The following MAPRE3 variants were observed in gnomAD, a reference collection of about 807,000 sequenced individuals.
The protein encoded by MAPRE3 is microtubule-associated protein RP/EB family member 3.
In MAPRE3, 2 loss-of-function variants were observed where a neutral mutation model predicts 30.5. The observed-to-expected ratio is 0.07, with a 90% CI of 0.03 to 0.21. The LOEUF (loss-of-function observed/expected upper bound fraction) is 0.21, where lower values mean the gene tolerates loss of function less well. MAPRE3 is among the 10% of genes least tolerant of loss of function. The pLI, the probability that MAPRE3 is intolerant of heterozygous loss-of-function variation, is 1.00. For missense variants in MAPRE3, 204 were observed against 351.8 expected (o/e 0.58, Z 3.36); for synonymous variants, 110 against 127.7 (o/e 0.86, Z 0.93).
intron 1 of MAPRE3, among the ~76,000 whole-genome samples, chr2:27,005,027 A>G (rs770681917): frequency 5.3e-5 from 8 of 152,264 alleles, no homozygotes; most frequent in South Asian, 2.1e-4. Context: ...CAATCAACAC[A>G]CTTTTTAAAA....
At chr2:26,983,615 T>G (rs1666161538) in intron 1 of MAPRE3, among the ~76,000 whole-genome samples, 1 of 152,218 alleles carries the variant, frequency 6.6e-6, no homozygotes, top group Non-Finnish European at 1.5e-5. Flanking sequence ...ATCTTTAAAA[T>G]TCATCATTTG....
At position 26,997,284 on chromosome 2, in the gene MAPRE3, G is replaced by A. The variant is rs1303767784; in HGVS notation, c.-7-24928G>A. ...TTGTCCAATCCGCAGCCCATGGGTC[G>A]CATGCAGCCCAGGACAGCTTTGAAT... On this transcript the variant is annotated intron_variant, in intron 1 of 6. Transcript: ENST00000233121. 3.9e-5 allele frequency among the ~76,000 whole-genome samples: 6 copies of A among 152,212 alleles called. No individual in the cohort carries two copies. In the South Asian group the frequency reaches 6.2e-4, roughly 16 times the overall value.
chr2:26,997,687 G>T (rs1430252071), intron 1 of MAPRE3, among the ~76,000 whole-genome samples: 1 of 152,148 alleles, frequency 6.6e-6, no homozygotes. Context: ...TGGTAGAAAG[G>T]ATAGTTTGGT....
In MAPRE3 at chr2:26,985,240, G is replaced by T. The variant is rs1666194671; in HGVS notation, c.-8+14438G>T. Among the ~76,000 whole-genome samples the T allele has an allele frequency of 2.6e-5, 4 of 152,264 alleles. No homozygotes were observed. The South Asian group carries it at 8.3e-4, about 32-fold the overall frequency. The stretch of plus-strand genomic sequence containing the variant: ...CTGTTGAAACTCTTCTTCCCTTTTG[G>T]GGAAGGATGTTGGCCTTTCCTCAAG... On this transcript the variant is annotated intron_variant, in intron 1 of 6. Coordinates refer to ENST00000233121, the MANE Select transcript of MAPRE3 (RefSeq NM_012326.4). This position sits in a 1 kb window ranked among gnomAD's most constrained non-coding sequence, Gnocchi z 4.2.
At chr2:26,984,112 T>A (rs760598492) in intron 1 of MAPRE3, among the ~76,000 whole-genome samples, 53 of 152,234 alleles carry the variant, frequency 3.5e-4, no homozygotes, top group Non-Finnish European at 6.8e-4. Flanking sequence ...TGAATTTAAA[T>A]ATATTTATAT....
chr2:27,024,751 T>C (rs1010760845), intron 4 of MAPRE3, among the ~76,000 whole-genome samples: 2 of 152,094 alleles, frequency 1.3e-5, no homozygotes, highest in African/African-American at 4.8e-5. Context: ...AAAGGCCCAA[T>C]AGTCCTAAGT....
chr2:26,977,665 C>T (rs1359285868), intron 1 of MAPRE3, among the ~76,000 whole-genome samples: 4 of 152,178 alleles, frequency 2.6e-5, no homozygotes, highest in Non-Finnish European at 4.4e-5. Context: ...TGTGGCCACC[C>T]GATGGGCAGA....
At chr2:27,002,457 T>A (rs1218914162) in intron 1 of MAPRE3, among the ~76,000 whole-genome samples, 2 of 151,606 alleles carry the variant, frequency 1.3e-5, no homozygotes, top group African/African-American at 4.8e-5. Context: ...CCAAAATGGC[T>A]GTACTAAACT....
rs1666194610 is a variant in MAPRE3, at chr2:26,985,232, C to G, written c.-8+14430C>G. ...GACATGTGCTGTTGAAACTCTTCTT[C>G]CCTTTTGGGGAAGGATGTTGGCCTT... On this transcript the variant is annotated intron_variant, in intron 1 of 6. Transcript: ENST00000233121. This position sits in a 1 kb window ranked among gnomAD's most constrained non-coding sequence, Gnocchi z 4.2. Among the ~76,000 whole-genome samples the G allele has an allele frequency of 6.6e-6, 1 of 152,200 alleles. No homozygotes were observed. Among genetic ancestry groups the G allele is most frequent in the African/African-American group, 2.4e-5 (1 of 41,456 alleles).
In MAPRE3 at chr2:27,026,641, C is replaced by T. The variant is rs1572777944; in HGVS notation, c.*293C>T. Reference sequence around the variant, plus strand: ...TCCCAGGGTGCTGCTGCCACCCGCCCCAGCCAGCCACCTGCTCCTGACAGC... The same window carrying T: ...TCCCAGGGTGCTGCTGCCACCCGCCTCAGCCAGCCACCTGCTCCTGACAGC... On this transcript the variant is annotated 3_prime_UTR_variant, in exon 7 of 7. Coordinates refer to ENST00000233121, the MANE Select transcript of MAPRE3 (RefSeq NM_012326.4). 1 of 360,916 alleles carries T rather than the reference C, an allele frequency of 2.8e-6. No homozygotes were observed. 22.4% of individuals were successfully genotyped at this position (360,916 alleles called of 1,614,324 possible).
chr2:27,004,808 T>A (rs976533707), intron 1 of MAPRE3, among the ~76,000 whole-genome samples: 1 of 150,726 alleles, frequency 6.6e-6, no homozygotes, highest in African/African-American at 2.4e-5. Flanking sequence ...AGATCTTTAG[T>A]AGAAGGCATG....
rs751019802 is a variant in MAPRE3 at position 27,026,386 on chromosome 2, G to A, written c.*38G>A. Reference sequence around the variant, plus strand: ...CCCTGGCTGACTGCACAGCTTCCCCGTGCCTCCCTCCCTGCTCCACTCCCA... The same window carrying A: ...CCCTGGCTGACTGCACAGCTTCCCCATGCCTCCCTCCCTGCTCCACTCCCA... On this transcript the variant is annotated 3_prime_UTR_variant, in exon 7 of 7. Transcript: ENST00000233121. 6 of 1,547,502 alleles carry A rather than the reference G, an allele frequency of 3.9e-6. No homozygotes were observed. The highest frequency in any genetic ancestry group is 3.4e-4 in the Middle Eastern group (2 of 5,912).
intron 1 of MAPRE3, chr2:27,014,166 C>T (rs1261460844): frequency 6.6e-6 from 1 of 152,156 alleles, no homozygotes; most frequent in Non-Finnish European, 1.5e-5. Context: ...TGCCTATCTG[C>T]CCACCTAGAT....
chr2:26,982,350 A>C (rs1666134120), intron 1 of MAPRE3, among the ~76,000 whole-genome samples: 1 of 152,248 alleles, frequency 6.6e-6, no homozygotes, highest in African/African-American at 2.4e-5. Flanking sequence ...CTAGGTGGGA[A>C]TATGTGGAAA....
intron 1 of MAPRE3, among the ~76,000 whole-genome samples, chr2:27,016,125 G>A (rs1438671862): frequency 1.3e-5 from 2 of 152,178 alleles, no homozygotes; most frequent in Non-Finnish European, 2.9e-5. Context: ...CCAAAGCCAC[G>A]TTGTCGGTCT....
chr2:27,024,445 G>T, intron 4 of MAPRE3, 148 bp downstream of exon 4: 1 of 717,516 alleles, frequency 1.4e-6, no homozygotes, highest in East Asian at 2.7e-5. Context: ...CTGCTGGCCA[G>T]TTAGACCGGG....
intron 1 of MAPRE3, among the ~76,000 whole-genome samples, chr2:26,989,347 CT>C (rs1263314971): frequency 1.3e-5 from 2 of 152,152 alleles, no homozygotes; most frequent in Non-Finnish European, 2.9e-5. Flanking sequence ...GTGCAGGATG[CT>C]TTCCATACAC....
intron 1 of MAPRE3, among the ~76,000 whole-genome samples, chr2:26,979,516 T>A (rs1666075431): frequency 6.6e-6 from 1 of 151,706 alleles, no homozygotes; most frequent in African/African-American, 2.4e-5. Flanking sequence ...AGCCCAGGAG[T>A]TTGAGGCTGC....
At position 26,986,120 on chromosome 2, in the gene MAPRE3, C is replaced by T. The variant is rs1194725770; in HGVS notation, c.-8+15318C>T. ...TCTGGAGCCTCCAGGAGAAAATCCG[C>T]GTCTTTGCCTCCTCCATCCTCTAAA... is the stretch of plus-strand genomic sequence containing the variant. On this transcript the variant is annotated intron_variant, in intron 1 of 6. Transcript: ENST00000233121. The surrounding 1 kb of genome is among the most constrained non-coding windows in gnomAD (Gnocchi z 4.2). Among the ~76,000 whole-genome samples the T allele has an allele frequency of 2.0e-5, 3 of 152,192 alleles. No individual in the cohort carries two copies. Among genetic ancestry groups the T allele is most frequent in the African/African-American group, 7.2e-5 (3 of 41,448 alleles).
Sources: gnomAD v4.1 joint callset for allele counts (sites outside exome capture counted in the v4.1 genomes callset) on GRCh38, gnomAD v4.1.1 for gene constraint, Gnocchi (gnomAD v3.1) non-coding constraint, MANE v1.5 for transcripts, NCBI Gene and HGNC (gene_info 2026-07-23, HGNC 2026-07-21) for gene names.